The following MTMR10 variants were observed in gnomAD, a reference collection of about 807,000 sequenced individuals.
MTMR10 encodes myotubularin-related protein 10.
MTMR10 carries 56 observed loss-of-function variants against 88.1 expected under a neutral mutation model. The ratio of observed to expected loss-of-function variants is 0.64; its 90% CI spans 0.51 to 0.79. The LOEUF is 0.79. MTMR10 is among the 30% of genes least tolerant of loss of function. MTMR10 has a pLI of 0.00. For synonymous variants in MTMR10, 380 were observed against 340.9 expected (o/e 1.11, Z -1.26); for missense variants, 883 against 924.7 (o/e 0.95, Z 0.58).
intron 5 of MTMR10, among the ~76,000 whole-genome samples, chr15:30,973,389 A>T (rs2063559996): frequency 1.3e-5 from 2 of 152,040 alleles, no homozygotes; most frequent in African/African-American, 2.4e-5. Context: ...GTTGGTTCTC[A>T]ATCTAAAAAC....
intron 3 of MTMR10, 54 bp from the exon 4 acceptor site, chr15:30,975,057 G>A (rs2030016922): frequency 5.3e-6 from 7 of 1,310,830 alleles, no homozygotes; most frequent in Non-Finnish European, 6.4e-6. Context: ...TCTCACAATG[G>A]TAGTATAAGC....
chr15:30,952,915 G>T (rs1044050966), intron 11 of MTMR10, among the ~76,000 whole-genome samples: 15 of 151,970 alleles, frequency 9.9e-5, no homozygotes, highest in African/African-American at 3.4e-4. Flanking sequence ...TCAGCCTCCT[G>T]AGTAGCTGGG....
chr15:30,918,911 G>C, the MTMR10 span, among the ~76,000 whole-genome samples: 1 of 152,134 alleles, frequency 6.6e-6, no homozygotes, highest in African/African-American at 2.4e-5. Context: ...CGACCCCTCA[G>C]ACAGTCAAGA....
chr15:30,965,818 T>A, intron 6 of MTMR10: 2 of 324,368 alleles, frequency 6.2e-6, no homozygotes, highest in Non-Finnish European at 1.2e-5. Context: ...CTCAGATAAC[T>A]GCAGGGGAGC....
At chr15:30,968,043 T>A (rs766257651) in intron 5 of MTMR10, 33 bp from the exon 6 acceptor site, 3 of 1,446,246 alleles carry the variant, frequency 2.1e-6, no homozygotes, top group South Asian at 1.2e-5. Flanking sequence ...AATTTGATTT[T>A]AACACACTTA....
the MTMR10 span, chr15:30,922,149 C>A: frequency 2.0e-6 from 3 of 1,478,980 alleles, no homozygotes; most frequent in Non-Finnish European, 2.8e-6. Context: ...TATAAATAGG[C>A]TTTACCAATC....
chr15:30,959,000 T>C (rs375824427), intron 8 of MTMR10, 34 bp downstream of exon 8: 1 of 1,613,448 alleles, frequency 6.2e-7, no homozygotes, highest in Non-Finnish European at 8.5e-7. Context: ...ACAATGGACG[T>C]CAGCATTCAT....
At chr15:30,920,773 G>A in the MTMR10 span, 2 of 597,918 alleles carry the variant, frequency 3.3e-6, no homozygotes, top group Non-Finnish European at 5.8e-6. Context: ...GTAATATAAT[G>A]GAGGCATATT....
rs373713415 is a variant in MTMR10 at position 30,991,524 on chromosome 15, G to A, written c.-18C>T. ...GAGAACATGGTGCCGCCGCCTTTTC[G>A]CCCCGTTCCCGTCGCGGGCCAGTGG... On this transcript the variant is annotated 5_prime_UTR_variant, in exon 1 of 16. Transcript: ENST00000435680. The A allele has an allele frequency of 1.5e-4, 226 of 1,535,836 alleles. 1 individual carries two copies. Among genetic ancestry groups the A allele is most frequent in the Non-Finnish European group, 1.9e-4 (221 of 1,148,724 alleles).
At chr15:30,954,964 G>A in intron 9 of MTMR10, 71 bp from the exon 10 acceptor site, 2 of 1,340,240 alleles carry the variant, frequency 1.5e-6, no homozygotes, top group Non-Finnish European at 2.0e-6. Flanking sequence ...CCTTACTATA[G>A]ACCAGGGGAT....
At chr15:30,928,475 G>A in the MTMR10 span, 1 of 1,574,152 alleles carries the variant, frequency 6.4e-7, no homozygotes, top group African/African-American at 1.4e-5. Context: ...AGGTTATGGT[G>A]GTGTTTTGGA....
the MTMR10 span, chr15:30,928,885 T>C: frequency 1.6e-5 from 12 of 736,796 alleles, no homozygotes; most frequent in African/African-American, 1.9e-4. Flanking sequence ...CATTTAGACC[T>C]TTCGTATAAA....
chr15:30,937,164 A>G, downstream of MTMR10: 1 of 1,614,092 alleles, frequency 6.2e-7, no homozygotes, highest in Non-Finnish European at 8.5e-7. Flanking sequence ...ACATAAGCAG[A>G]TGATCTGGCT....
rs1368150251 is a variant in MTMR10 at position 30,941,546 on chromosome 15, A to G, written c.2258T>C (p.Leu753Ser). ...TAAAAATTTGCTTAATGGTGTTCCT[A>G]AAATGCTTCGTCTGCACAGATTCCC... Reference protein sequence around the residue: ...PVGNLCRRSILGTPLSKFLSG... With the variant: ...PVGNLCRRSISGTPLSKFLSG... Residue 753 changes from leucine to serine, a missense_variant, in exon 16 of 16, where the codon TTA (leucine) becomes TCA (serine). Around this residue, in one of 3 missense-constraint regions of MTMR10, gnomAD observed 343 missense variants for 323.2 expected, o/e 1.06. Coordinates refer to ENST00000435680, the MANE Select transcript of MTMR10 (RefSeq NM_017762.3). 1 of 1,606,872 alleles carries G rather than the reference A, an allele frequency of 6.2e-7. No homozygotes were observed. Among genetic ancestry groups the G allele is most frequent in the East Asian group, 2.2e-5 (1 of 44,748 alleles).
At chr15:30,973,910 TC>T (rs1324136439) in intron 5 of MTMR10, among the ~76,000 whole-genome samples, 7 of 152,214 alleles carry the variant, frequency 4.6e-5, no homozygotes, top group Non-Finnish European at 1.0e-4. Context: ...TTTACCTAAA[TC>T]TTATGTAACA....
At chr15:30,975,221 C>T (rs2030035765) in intron 3 of MTMR10, among the ~76,000 whole-genome samples, 1 of 152,084 alleles carries the variant, frequency 6.6e-6, no homozygotes, top group Non-Finnish European at 1.5e-5. Flanking sequence ...GGAATATCAT[C>T]AATCACCTTA....
rs755962965 is a variant in MTMR10 at position 30,958,960 on chromosome 15, G to C, written c.847-9C>G. The C allele has an allele frequency of 6.2e-7, 1 of 1,613,988 alleles. No individual in the cohort carries two copies. The highest frequency in any genetic ancestry group is 1.7e-5 in the Admixed American group (1 of 60,022). On this transcript the variant is annotated splice_polypyrimidine_tract_variant and intron_variant, in intron 8 of 15. Coordinates refer to ENST00000435680, the MANE Select transcript of MTMR10 (RefSeq NM_017762.3). ...TGGCTCCAGCACCAGAGCTAGGGGAGAGGTAGAATCCTTACTTCACTGTGT... is the reference window on the plus strand; with the variant it reads ...TGGCTCCAGCACCAGAGCTAGGGGACAGGTAGAATCCTTACTTCACTGTGT...
chr15:30,920,705 CAT>C, the MTMR10 span: 1 of 1,052,222 alleles, frequency 9.5e-7, no homozygotes, highest in South Asian at 1.4e-5. Flanking sequence ...TGGCGTTAAA[CAT>C]GTGAAGGGAC....
chr15:30,950,336 CT>C (rs2063226976), intron 12 of MTMR10: 2 of 151,912 alleles, frequency 1.3e-5, no homozygotes, highest in South Asian at 4.2e-4. Context: ...AGATTTTTGC[CT>C]TGTTAAAGTC....
Sources: gnomAD v4.1 joint callset for allele counts (sites outside exome capture counted in the v4.1 genomes callset) on GRCh38, gnomAD v4.1.1 for gene constraint, gnomAD v4.1.1 regional missense constraint, MANE v1.5 for transcripts, NCBI Gene and HGNC (gene_info 2026-07-23, HGNC 2026-07-21) for gene names.